Variants in TTC28 observed in about 807,000 individuals in gnomAD.
TTC28 encodes the protein tetratricopeptide repeat protein 28.
A neutral mutation model predicts 198.0 loss-of-function variants in TTC28; 61 were observed. The observed-to-expected ratio is 0.31, with a 90% CI of 0.25 to 0.38. The LOEUF (loss-of-function observed/expected upper bound fraction) is 0.38. TTC28 is among the 10% of genes least tolerant of loss of function. The probability of loss-of-function intolerance (pLI) is 1.00; values close to 1 mark genes in which losing one functional copy is unlikely to be tolerated. For missense variants in TTC28, 2,678 were observed against 3,164.0 expected (o/e 0.85, Z 3.69); for synonymous variants, 1,171 against 1,297.8 (o/e 0.90, Z 2.10).
intron 12 of TTC28, among the ~76,000 whole-genome samples, chr22:28,091,398 A>G (rs1048478863): frequency 3.3e-5 from 5 of 152,220 alleles, no homozygotes; most frequent in African/African-American, 7.2e-5. Context: ...TGCTTGGTTT[A>G]GACTGAGATG....
At chr22:28,403,348 G>A (rs2046948903) in intron 2 of TTC28, among the ~76,000 whole-genome samples, 1 of 152,156 alleles carries the variant, frequency 6.6e-6, no homozygotes, top group Non-Finnish European at 1.5e-5. Context: ...TTCCTCCTCA[G>A]AATATTAATA....
chr22:28,409,544 CAT>C (rs1383837829), intron 2 of TTC28, among the ~76,000 whole-genome samples: 9 of 149,958 alleles, frequency 6.0e-5, no homozygotes, highest in East Asian at 1.9e-4. Context: ...ATTATATATA[CAT>C]ATGTTATATG....
chr22:27,995,716 CTG>C (rs200941862), intron 17 of TTC28, among the ~76,000 whole-genome samples: 2 of 152,210 alleles, frequency 1.3e-5, no homozygotes, highest in East Asian at 1.9e-4. Flanking sequence ...GATGAGAACA[CTG>C]AGGCTCGGAG....
At chr22:28,152,789 C>T (rs1368369353) in intron 6 of TTC28, among the ~76,000 whole-genome samples, 1 of 152,120 alleles carries the variant, frequency 6.6e-6, no homozygotes, top group Non-Finnish European at 1.5e-5. Context: ...AGGCCTCTTT[C>T]CGTAGAAAGA....
At chr22:28,554,758 C>A (rs938313950) in intron 2 of TTC28, among the ~76,000 whole-genome samples, 3 of 152,094 alleles carry the variant, frequency 2.0e-5, no homozygotes, top group Admixed American at 1.3e-4. Flanking sequence ...GTCATCCCAG[C>A]TACTAGGGAG....
chr22:28,324,438 A>G (rs2045494947), intron 2 of TTC28, among the ~76,000 whole-genome samples: 1 of 152,180 alleles, frequency 6.6e-6, no homozygotes, highest in Non-Finnish European at 1.5e-5. Flanking sequence ...CAAAAAAAAA[A>G]AAGAAAATTT....
intron 5 of TTC28, among the ~76,000 whole-genome samples, chr22:28,283,374 G>A (rs1045459288): frequency 3.3e-5 from 5 of 151,552 alleles, no homozygotes; most frequent in African/African-American, 7.3e-5. Flanking sequence ...TGGATTTCAC[G>A]TTAGCATTAT....
rs147311591 is a variant in TTC28 at position 28,112,786 on chromosome 22, C to T, written c.1442-4383G>A. Among the ~76,000 whole-genome samples the T allele has an allele frequency of 1.6e-4, 24 of 152,256 alleles. No homozygotes were observed. The East Asian group carries it at 3.7e-3, about 23-fold the overall frequency. On this transcript the variant is annotated intron_variant, in intron 6 of 22. Coordinates refer to ENST00000397906, the MANE Select transcript of TTC28 (RefSeq NM_001145418.2). ...CAGTCAGATGAAGACTTACAGAGGG[C>T]CTGTCAGCAGGGGCGTGCTAGGTGA...
chr22:28,300,324 T>G (rs1396560509), intron 3 of TTC28, among the ~76,000 whole-genome samples: 1 of 152,200 alleles, frequency 6.6e-6, no homozygotes, highest in Non-Finnish European at 1.5e-5. Flanking sequence ...CATGCTTTAC[T>G]TGGTGATATC....
At chr22:28,339,560 C>T (rs1463042005) in intron 2 of TTC28, among the ~76,000 whole-genome samples, 1 of 152,188 alleles carries the variant, frequency 6.6e-6, no homozygotes, top group Non-Finnish European at 1.5e-5. Flanking sequence ...TTCCCGGCCG[C>T]TTTGTTTACC....
intron 5 of TTC28, among the ~76,000 whole-genome samples, chr22:28,222,745 TG>T (rs1927986452): frequency 6.6e-6 from 1 of 152,202 alleles, no homozygotes; most frequent in South Asian, 2.1e-4. Flanking sequence ...TAAGTTGAAA[TG>T]AATCTTTCAA....
chr22:28,542,912 T>G (rs1403552771), intron 2 of TTC28, among the ~76,000 whole-genome samples: 1 of 152,100 alleles, frequency 6.6e-6, no homozygotes, highest in East Asian at 1.9e-4. Context: ...TCAATAAAAT[T>G]TAAACAAAAT....
rs557859036 is a variant in TTC28 at position 28,468,947 on chromosome 22, C to T, written c.381+160605G>A. Among the ~76,000 whole-genome samples the T allele has an allele frequency of 1.1e-4, 17 of 152,252 alleles. 1 individual carries two copies. The highest frequency in any genetic ancestry group is 3.9e-4 in the African/African-American group (16 of 41,542). On this transcript the variant is annotated intron_variant, in intron 2 of 22. Coordinates refer to ENST00000397906, the MANE Select transcript of TTC28 (RefSeq NM_001145418.2). ...ATACTAGTTGTTAGATTCACCCTGC[C>T]TGGTGCAACCAAAACACTCCAATTA...
intron 12 of TTC28, among the ~76,000 whole-genome samples, chr22:28,033,774 C>T (rs1351810736): frequency 6.6e-6 from 1 of 152,134 alleles, no homozygotes; most frequent in Non-Finnish European, 1.5e-5. Context: ...AGCTTTGGTG[C>T]CCCTCACTCA....
rs892431668 is a variant in TTC28, at chr22:28,659,952, C to A, written c.102+19670G>T. On this transcript the variant is annotated intron_variant, in intron 1 of 22. Coordinates refer to ENST00000397906, the MANE Select transcript of TTC28 (RefSeq NM_001145418.2). ...TAGCTGGGACTACAGACACACACCA[C>A]CACGCCCAACTAATTTTTGTATTTT... is the stretch of plus-strand genomic sequence containing the variant. Among the ~76,000 whole-genome samples the A allele has an allele frequency of 2.0e-5, 3 of 151,940 alleles. No homozygotes were observed. In the South Asian group the frequency reaches 6.2e-4, roughly 32 times the overall value.
chr22:28,038,360 T>C (rs1260003028), intron 12 of TTC28, among the ~76,000 whole-genome samples: 1 of 152,110 alleles, frequency 6.6e-6, no homozygotes, highest in Admixed American at 6.6e-5. Flanking sequence ...TCAGAAATAA[T>C]GCTACACATC....
chr22:28,523,335 A>G (rs1338830589), intron 2 of TTC28, among the ~76,000 whole-genome samples: 4 of 152,248 alleles, frequency 2.6e-5, no homozygotes, highest in South Asian at 2.1e-4. Context: ...GAATAATTCT[A>G]TAAGTTAACT....
intron 12 of TTC28, among the ~76,000 whole-genome samples, chr22:28,059,815 T>A (rs1031866059): frequency 1.3e-5 from 2 of 151,982 alleles, no homozygotes; most frequent in African/African-American, 4.8e-5. Context: ...TTACCTCTGG[T>A]AATACTCTTG....
At chr22:28,555,471 A>C (rs925686837) in intron 2 of TTC28, among the ~76,000 whole-genome samples, 1 of 152,234 alleles carries the variant, frequency 6.6e-6, no homozygotes, top group African/African-American at 2.4e-5. Flanking sequence ...GAGCAGATAA[A>C]GAAAATGTGG....
Sources: gnomAD v4.1 joint callset for allele counts (sites outside exome capture counted in the v4.1 genomes callset) on GRCh38, gnomAD v4.1.1 for gene constraint, MANE v1.5 for transcripts, NCBI Gene and HGNC (gene_info 2026-07-23, HGNC 2026-07-21) for gene names.